L3MBTL4: variants seen among roughly 807,000 people sequenced by gnomAD.
L3MBTL4 encodes the protein lethal(3)malignant brain tumor-like protein 4.
In L3MBTL4, 70 loss-of-function variants were observed where a neutral mutation model predicts 84.5. The ratio of observed to expected loss-of-function variants is 0.83; its 90% CI spans 0.68 to 1.01. The LOEUF (loss-of-function observed/expected upper bound fraction) is 1.01, where lower values mean the gene tolerates loss of function less well. L3MBTL4 is among the 50% of genes least tolerant of loss of function. The probability of loss-of-function intolerance (pLI) is 0.00; values close to 1 mark genes in which losing one functional copy is unlikely to be tolerated. For synonymous variants in L3MBTL4, 274 were observed against 259.8 expected, an observed-to-expected ratio of 1.05 and a Z score of -0.52; for missense variants, 715 against 754.8, an observed-to-expected ratio of 0.95 and a Z score of 0.62.
chr18:6,217,182 A>G (rs915272888), intron 10 of L3MBTL4, among the ~76,000 whole-genome samples: 6 of 152,254 alleles, frequency 3.9e-5, no homozygotes, highest in Non-Finnish European at 8.8e-5. Context: ...TAGACTGAAC[A>G]TTTTTCAAAA....
chr18:5,985,321 G>C (rs944950417), intron 16 of L3MBTL4, among the ~76,000 whole-genome samples: 1 of 152,166 alleles, frequency 6.6e-6, no homozygotes, highest in Non-Finnish European at 1.5e-5. Flanking sequence ...TGCAGGTAAA[G>C]AATAGATTAT....
At chr18:6,387,786 T>G (rs530826943) in intron 1 of L3MBTL4, among the ~76,000 whole-genome samples, 28 of 152,304 alleles carry the variant, frequency 1.8e-4, no homozygotes, top group African/African-American at 6.7e-4. Context: ...CCCCTAATCG[T>G]GATGAGTAGG....
At chr18:6,362,457 C>T (rs1319188770) in intron 1 of L3MBTL4, among the ~76,000 whole-genome samples, 1 of 152,192 alleles carries the variant, frequency 6.6e-6, no homozygotes, top group Non-Finnish European at 1.5e-5. Flanking sequence ...CAGAGCCCCT[C>T]TCTGCTGGAA....
At chr18:6,359,716 T>G (rs1874772653) in intron 1 of L3MBTL4, among the ~76,000 whole-genome samples, 1 of 152,096 alleles carries the variant, frequency 6.6e-6, no homozygotes. Flanking sequence ...ATTCTAGCAC[T>G]CTGTTGAAGT....
intron 1 of L3MBTL4, among the ~76,000 whole-genome samples, chr18:6,351,558 A>ATTT (rs567525765): frequency 4.1e-5 from 6 of 145,746 alleles, no homozygotes; most frequent in Non-Finnish European, 7.5e-5. Flanking sequence ...TGGATTTTTT[A>ATTT]TTTTTTTTTT....
At chr18:6,041,416 A>G (rs1403803268) in intron 16 of L3MBTL4, among the ~76,000 whole-genome samples, 2 of 149,258 alleles carry the variant, frequency 1.3e-5, no homozygotes, top group African/African-American at 5.0e-5. Context: ...CAACCTATTA[A>G]TCTTCTTTCT....
intron 4 of L3MBTL4, among the ~76,000 whole-genome samples, chr18:6,295,346 C>CTCTCTATATATA (rs1261475809): frequency 2.5e-5 from 2 of 81,386 alleles, no homozygotes; most frequent in African/African-American, 1.3e-4. Context: ...CTCTCTCTCT[C>CTCTCTATATATA]TATATATATA....
chr18:6,071,824 GAA>G (rs768973037), intron 16 of L3MBTL4, among the ~76,000 whole-genome samples: 22 of 121,484 alleles, frequency 1.8e-4, no homozygotes, highest in African/African-American at 2.6e-4. Flanking sequence ...AGGAAAGAAA[GAA>G]AGAAAGAAAG....
At chr18:6,144,574 C>T (rs9951968) in intron 13 of L3MBTL4, among the ~76,000 whole-genome samples, 1 of 152,130 alleles carries the variant, frequency 6.6e-6, no homozygotes, top group East Asian at 1.9e-4. Flanking sequence ...CATTCACATA[C>T]AATGCATGGT....
At chr18:6,375,247 T>G (rs2054318840) in intron 1 of L3MBTL4, among the ~76,000 whole-genome samples, 1 of 152,034 alleles carries the variant, frequency 6.6e-6, no homozygotes. Flanking sequence ...CTCTACGGCT[T>G]GGCTCTCTCT....
chr18:6,351,874 C>T lies in L3MBTL4; in HGVS notation c.-90-39818G>A, dbSNP rs573255573. Among the ~76,000 whole-genome samples the T allele has an allele frequency of 6.1e-4, 92 of 151,960 alleles. 1 individual carries two copies. The highest frequency in any genetic ancestry group is 2.1e-3 in the African/African-American group (88 of 41,442). ...CCTAAATGTTGATTTTTTTAAGAGACAGGGTCTCAATATGTTGCCCATGCT... is the reference window on the plus strand; with the variant it reads ...CCTAAATGTTGATTTTTTTAAGAGATAGGGTCTCAATATGTTGCCCATGCT... On this transcript the variant is annotated intron_variant, in intron 1 of 18. Transcript: ENST00000317931.
intron 14 of L3MBTL4, among the ~76,000 whole-genome samples, chr18:6,110,263 C>A (rs1055648211): frequency 1.3e-5 from 2 of 152,142 alleles, no homozygotes; most frequent in Non-Finnish European, 2.9e-5. Flanking sequence ...GAAATGTCAT[C>A]TGTACATTTA....
intron 16 of L3MBTL4, among the ~76,000 whole-genome samples, chr18:5,996,312 A>G (rs2053962103): frequency 6.6e-6 from 1 of 152,236 alleles, no homozygotes; most frequent in South Asian, 2.1e-4. Context: ...CTGTTTAGCA[A>G]TAACTCCAAG....
intron 13 of L3MBTL4, among the ~76,000 whole-genome samples, chr18:6,162,458 G>T (rs1598959289): frequency 6.6e-6 from 1 of 152,200 alleles, no homozygotes; most frequent in African/African-American, 2.4e-5. Context: ...GGAAATTAAT[G>T]TTGGCCAGCT....
chr18:6,245,969 G>C (rs1000103902), intron 5 of L3MBTL4, among the ~76,000 whole-genome samples: 1 of 152,092 alleles, frequency 6.6e-6, no homozygotes, highest in African/African-American at 2.4e-5. Context: ...GTTTTCTATG[G>C]TGTCAGGTAG....
At chr18:6,251,003 G>C (rs78157380) in intron 5 of L3MBTL4, among the ~76,000 whole-genome samples, 2,671 of 152,242 alleles carry the variant, frequency 0.018, 82 homozygotes, top group African/African-American at 0.062. Context: ...CTTGACCACA[G>C]AGAATTTAAC....
chr18:5,992,071 G>C (rs984498279), intron 16 of L3MBTL4, among the ~76,000 whole-genome samples: 4 of 152,124 alleles, frequency 2.6e-5, no homozygotes, highest in African/African-American at 9.7e-5. Context: ...CAAAGATGAA[G>C]GAGACTTATT....
chr18:6,249,506 T>C (rs1402624995), intron 5 of L3MBTL4, among the ~76,000 whole-genome samples: 1 of 152,206 alleles, frequency 6.6e-6, no homozygotes, highest in Non-Finnish European at 1.5e-5. Flanking sequence ...TTTGGGAGCT[T>C]TCCATAATGT....
chr18:6,187,224 T>C (rs1217231993), intron 12 of L3MBTL4, among the ~76,000 whole-genome samples: 2 of 152,214 alleles, frequency 1.3e-5, no homozygotes, highest in African/African-American at 4.8e-5. Context: ...ATATATGAGT[T>C]TTAAACTTGG....
Sources: allele counts gnomAD v4.1 joint callset (sites outside exome capture counted in the v4.1 genomes callset), GRCh38; gene constraint gnomAD v4.1.1; transcripts MANE v1.5; gene names NCBI Gene and HGNC (gene_info 2026-07-23, HGNC 2026-07-21).